EBF1: variants seen among roughly 807,000 people sequenced by gnomAD.
The protein encoded by EBF1 is EBF transcription factor 1, also known as transcription factor COE1.
Under a neutral mutation model 68.4 loss-of-function variants are expected in EBF1, and 10 were observed. The observed-to-expected ratio is 0.15, with a 90% CI of 0.09 to 0.25. The LOEUF is 0.25. EBF1 is among the 10% of genes least tolerant of loss of function. The pLI is 1.00. For missense variants in EBF1, 509 were observed against 794.4 expected, an observed-to-expected ratio of 0.64 and a Z score of 4.32; for synonymous variants, 298 against 299.8, an observed-to-expected ratio of 0.99 and a Z score of 0.06.
In EBF1 at chr5:158,905,246, A is replaced by T. The variant is rs1804324695; in HGVS notation, c.555-65136T>A. On this transcript the variant is annotated intron_variant, in intron 6 of 15. Coordinates refer to ENST00000313708, the MANE Select transcript of EBF1 (RefSeq NM_024007.5). The stretch of plus-strand genomic sequence containing the variant: ...TGCCGTGTAACTCCCAACCATCCTC[A>T]AAATGTATTTTGTTACTTGGTAATC... Among the ~76,000 whole-genome samples the T allele has an allele frequency of 2.0e-5, 3 of 152,208 alleles. No homozygotes were observed. In the South Asian group the frequency reaches 6.2e-4, roughly 31 times the overall value.
intron 8 of EBF1, among the ~76,000 whole-genome samples, chr5:158,799,003 C>A (rs1183157503): frequency 1.3e-5 from 2 of 152,148 alleles, no homozygotes; most frequent in African/African-American, 4.8e-5. Flanking sequence ...TCCTATACAT[C>A]TGTTATAACA....
At chr5:159,058,005 C>T (rs1429270844) in intron 6 of EBF1, among the ~76,000 whole-genome samples, 3 of 152,182 alleles carry the variant, frequency 2.0e-5, no homozygotes, top group Non-Finnish European at 2.9e-5. Context: ...CTAGCCTTCC[C>T]TAAGTTTTGT....
chr5:159,047,843 T>G (rs762350785), intron 6 of EBF1, among the ~76,000 whole-genome samples: 9 of 152,164 alleles, frequency 5.9e-5, no homozygotes, highest in Non-Finnish European at 2.9e-5. Flanking sequence ...GTCTGAACTT[T>G]TTCTCTCACA....
At chr5:158,932,391 C>T (rs1409727890) in intron 6 of EBF1, among the ~76,000 whole-genome samples, 1 of 152,030 alleles carries the variant, frequency 6.6e-6, no homozygotes, top group Non-Finnish European at 1.5e-5. Context: ...TCAGGTATAA[C>T]ACATATGTCC....
chr5:159,028,880 T>C (rs1238285377), intron 6 of EBF1, among the ~76,000 whole-genome samples: 1 of 152,176 alleles, frequency 6.6e-6, no homozygotes, highest in Non-Finnish European at 1.5e-5. Context: ...GATGAACAGG[T>C]TTGGCATTTC....
intron 4 of EBF1, among the ~76,000 whole-genome samples, chr5:159,090,920 G>A (rs559200893): frequency 2.7e-4 from 41 of 152,026 alleles, no homozygotes; most frequent in Non-Finnish European, 4.7e-4. Context: ...TTCTCACAAC[G>A]GAGCTTCAAG....
chr5:158,737,421 C>T (rs1440284529), intron 10 of EBF1, among the ~76,000 whole-genome samples: 4 of 151,522 alleles, frequency 2.6e-5, no homozygotes, highest in East Asian at 1.9e-4. Context: ...GTAGCTGGGA[C>T]TACAGGCGCC....
At chr5:159,071,178 G>T (rs941411102) in intron 6 of EBF1, among the ~76,000 whole-genome samples, 8 of 152,266 alleles carry the variant, frequency 5.3e-5, no homozygotes, top group Non-Finnish European at 1.0e-4. Context: ...GCTAAATGGG[G>T]TTTTGCATAT....
At chr5:159,087,439 TAC>T (rs1269275609) in intron 4 of EBF1, among the ~76,000 whole-genome samples, 10 of 149,062 alleles carry the variant, frequency 6.7e-5, no homozygotes, top group Non-Finnish European at 1.3e-4. Context: ...CACATATATA[TAC>T]ATATATATAT....
chr5:159,050,178 CTCT>C (rs1336206453), intron 6 of EBF1, among the ~76,000 whole-genome samples: 34 of 141,952 alleles, frequency 2.4e-4, no homozygotes, highest in South Asian at 4.6e-4. Flanking sequence ...CTCTCTCTCT[CTCT>C]TCTCTCTTTT....
chr5:159,088,502 T>C (rs1346455879), intron 4 of EBF1, among the ~76,000 whole-genome samples: 2 of 152,126 alleles, frequency 1.3e-5, no homozygotes, highest in African/African-American at 4.8e-5. Context: ...CTAATTTAAA[T>C]ATGTGCCTCT....
chr5:158,918,557 G>A (rs1249242508), intron 6 of EBF1, among the ~76,000 whole-genome samples: 1 of 152,204 alleles, frequency 6.6e-6, no homozygotes, highest in Non-Finnish European at 1.5e-5. Context: ...CAGAAAGACT[G>A]AGAAACTGAG....
At chr5:158,796,273 T>C in intron 9 of EBF1, 72 bp downstream of exon 9, 2 of 1,457,318 alleles carry the variant, frequency 1.4e-6, no homozygotes, top group Non-Finnish European at 1.8e-6. Context: ...CACATTCTAT[T>C]AGAAATTCAA....
intron 6 of EBF1, among the ~76,000 whole-genome samples, chr5:158,923,584 C>T (rs1808918319): frequency 6.6e-6 from 1 of 152,164 alleles, no homozygotes; most frequent in Non-Finnish European, 1.5e-5. Flanking sequence ...AATGAAAGTG[C>T]TGGGTGGCGG....
At chr5:159,059,516 T>C (rs1320117231) in intron 6 of EBF1, among the ~76,000 whole-genome samples, 1 of 152,252 alleles carries the variant, frequency 6.6e-6, no homozygotes, top group Non-Finnish European at 1.5e-5. Context: ...ACCACAACGC[T>C]AACTCTGCTG....
rs111933489 is a variant in EBF1, at chr5:158,721,831, G to A, written c.1126-7649C>T. Among the ~76,000 whole-genome samples the A allele has an allele frequency of 9.0e-3, 1,365 of 152,044 alleles. 28 individuals are homozygous for A. The highest frequency in any genetic ancestry group is 0.031 in the African/African-American group (1,297 of 41,480). ...TTTACCAAAATGTTCGACTTTTCAAGTGTCAGCAGTTAAGTATAAATTGTG... is the reference window on the plus strand; with the variant it reads ...TTTACCAAAATGTTCGACTTTTCAAATGTCAGCAGTTAAGTATAAATTGTG... On this transcript the variant is annotated intron_variant, in intron 11 of 15. Coordinates refer to ENST00000313708, the MANE Select transcript of EBF1 (RefSeq NM_024007.5).
chr5:158,870,700 ATG>A (rs2128058334), intron 6 of EBF1, among the ~76,000 whole-genome samples: 1 of 152,308 alleles, frequency 6.6e-6, no homozygotes, highest in South Asian at 2.1e-4. Context: ...AGAAAAAAGA[ATG>A]AGAAATCTGA....
chr5:158,876,427 G>A (rs1797823411), intron 6 of EBF1, among the ~76,000 whole-genome samples: 1 of 152,114 alleles, frequency 6.6e-6, no homozygotes, highest in Non-Finnish European at 1.5e-5. Context: ...GTCTTGGCTA[G>A]AAGAAACTTT....
intron 6 of EBF1, among the ~76,000 whole-genome samples, chr5:159,005,214 A>G (rs368714268): frequency 2.0e-5 from 3 of 152,292 alleles, no homozygotes; most frequent in African/African-American, 7.2e-5. Flanking sequence ...TAATAACACT[A>G]CTCACTTTTA....
Sources: allele counts gnomAD v4.1 joint callset (sites outside exome capture counted in the v4.1 genomes callset), GRCh38; gene constraint gnomAD v4.1.1; transcripts MANE v1.5; gene names NCBI Gene and HGNC (gene_info 2026-07-23, HGNC 2026-07-21).